Variants in MAP4K1 observed in about 807,000 individuals in gnomAD.
MAP4K1 encodes the protein MAPK/ERK kinase kinase kinase 1.
In MAP4K1, 35 loss-of-function variants were observed where a neutral mutation model predicts 122.8. That is an observed-to-expected ratio of 0.29 (90% CI 0.22 to 0.38). The LOEUF is 0.38. Among genes scored for constraint, MAP4K1 ranks in the 10% least tolerant of loss-of-function variants. The pLI is 1.00. For synonymous variants in MAP4K1, 412 were observed against 421.3 expected (o/e 0.98, Z 0.27); for missense variants, 791 against 1,072.6 (o/e 0.74, Z 3.67).
intron 6 of MAP4K1, 45 bp from the exon 7 acceptor site, chr19:38,614,130 G>A (rs764748934): frequency 1.2e-6 from 2 of 1,612,088 alleles, no homozygotes; most frequent in South Asian, 2.2e-5. Flanking sequence ...ACTCTCCCCA[G>A]CCCAGTGCTA....
intron 19 of MAP4K1, among the ~76,000 whole-genome samples, chr19:38,602,797 CATACAT>C (rs1340509866): frequency 1.8e-4 from 23 of 130,628 alleles, no homozygotes; most frequent in South Asian, 1.2e-3. Context: ...TATATACACA[CATACAT>C]ATATACATAT....
intron 20 of MAP4K1, among the ~76,000 whole-genome samples, chr19:38,600,727 G>C (rs1489588190): frequency 1.4e-5 from 2 of 147,958 alleles, no homozygotes; most frequent in African/African-American, 5.0e-5. Flanking sequence ...TAACCTTTTT[G>C]TTATATTCTG....
intron 3 of MAP4K1, among the ~76,000 whole-genome samples, chr19:38,616,702 G>T (rs1472057753): frequency 6.6e-6 from 1 of 152,212 alleles, no homozygotes; most frequent in East Asian, 1.9e-4. Context: ...GAAACTGGGT[G>T]AGCCAAAGAG....
chr19:38,608,079 G>A (rs771344205), intron 14 of MAP4K1, 33 bp downstream of exon 14: 32 of 1,561,884 alleles, frequency 2.0e-5, no homozygotes, highest in Admixed American at 1.9e-4. Flanking sequence ...GGAAGCAGGC[G>A]GTGTGGTGGG....
In MAP4K1 at chr19:38,590,382, AAAAAAAAAAAAAATATATATATATATAT is replaced by A. The variant is rs1349629050; in HGVS notation, c.2397-2593_2397-2566del. On this transcript the variant is annotated intron_variant, in intron 30 of 30. Coordinates refer to ENST00000396857, the MANE Select transcript of MAP4K1 (RefSeq NM_001042600.3). ...CTATGATCTTGGACCAGAAAAAAAA[AAAAAAAAAAAAAATATATATATATATAT>A]ATATATATATATATATATATATATA... Among the ~76,000 whole-genome samples the A allele has an allele frequency of 5.1e-4, 28 of 54,494 alleles. 3 individuals are homozygous for A. Among genetic ancestry groups the A allele is most frequent in the African/African-American group, 2.7e-3 (27 of 10,166 alleles). 35.8% of individuals were successfully genotyped at this position (54,494 alleles called of 152,430 possible).
intron 30 of MAP4K1, among the ~76,000 whole-genome samples, chr19:38,590,394 AATATATATATATATATATATAT>A (rs1163055879): frequency 2.3e-4 from 4 of 17,298 alleles, no homozygotes; most frequent in Non-Finnish European, 4.1e-4. Context: ...AAAAAAAAAA[AATATATATATATATATATATAT>A]ATATATATAT....
chr19:38,593,174 G>T, intron 30 of MAP4K1, 108 bp downstream of exon 30: 2 of 1,034,270 alleles, frequency 1.9e-6, no homozygotes, highest in Non-Finnish European at 2.8e-6. Flanking sequence ...GGGTGACCAG[G>T]TGAGACACTG....
chr19:38,616,995 C>T (rs974185994), intron 3 of MAP4K1, among the ~76,000 whole-genome samples: 1 of 152,002 alleles, frequency 6.6e-6, no homozygotes, highest in Non-Finnish European at 1.5e-5. Flanking sequence ...CACCTGTAAT[C>T]CCAGCACTTT....
chr19:38,607,613 G>C (rs1182276702), intron 16 of MAP4K1, among the ~76,000 whole-genome samples: 1 of 151,228 alleles, frequency 6.6e-6, no homozygotes, highest in Non-Finnish European at 1.5e-5. Flanking sequence ...GAAAGTGGGA[G>C]CTGGAGCTGG....
At chr19:38,602,795 CACATACAT>C (rs1242614405) in intron 19 of MAP4K1, among the ~76,000 whole-genome samples, 1 of 138,892 alleles carries the variant, frequency 7.2e-6, no homozygotes, top group Admixed American at 7.4e-5. Flanking sequence ...CATATATACA[CACATACAT>C]ATATACATAT....
At chr19:38,612,873 G>A in intron 8 of MAP4K1, 131 bp from the exon 9 acceptor site, 2 of 951,698 alleles carry the variant, frequency 2.1e-6, no homozygotes, top group Non-Finnish European at 3.2e-6. Context: ...AGGGACAGGA[G>A]TAAAGACAGA....
chr19:38,605,835 C>T, intron 17 of MAP4K1, 105 bp from the exon 18 acceptor site: 1 of 1,117,964 alleles, frequency 8.9e-7, no homozygotes, highest in South Asian at 1.4e-5. Context: ...ACAGCTGTGG[C>T]TCTGACCCAC....
rs1216625971 is a variant in MAP4K1 at position 38,603,150 on chromosome 19, ATATACATG to A, written c.1447-1633_1447-1626del. Among the ~76,000 whole-genome samples, 38 of 148,376 alleles carry A rather than the reference ATATACATG, an allele frequency of 2.6e-4. 2 individuals carry two copies. Among genetic ancestry groups the A allele is most frequent in the African/African-American group, 9.0e-4 (36 of 39,962 alleles). ...TATACGCATATACATATATACACACATATACATGTATACATATATACACATGTACATAT... is the reference window on the plus strand; with the variant it reads ...TATACGCATATACATATATACACACATATACATATATACACATGTACATAT... On this transcript the variant is annotated intron_variant, in intron 19 of 30. Transcript: ENST00000396857.
chr19:38,607,590 GGAAGGAAA>G (rs1344947892), intron 16 of MAP4K1, among the ~76,000 whole-genome samples: 1 of 151,388 alleles, frequency 6.6e-6, no homozygotes, highest in Non-Finnish European at 1.5e-5. Flanking sequence ...AGAAGAAGGT[GGAAGGAAA>G]GAAGGAAAGT....
chr19:38,599,255 C>T (rs533533575), intron 22 of MAP4K1, among the ~76,000 whole-genome samples: 19 of 139,976 alleles, frequency 1.4e-4, no homozygotes, highest in East Asian at 2.2e-4. Context: ...GGCTGAGGCA[C>T]GAGAATTGCT....
At chr19:38,613,734 G>A in intron 8 of MAP4K1, 146 bp downstream of exon 8, 2 of 645,852 alleles carry the variant, frequency 3.1e-6, no homozygotes, top group South Asian at 4.0e-5. Flanking sequence ...GAAAACTCAA[G>A]CGACACCCAG....
intron 30 of MAP4K1, chr19:38,592,424 AAAT>A (rs1323452360): frequency 6.6e-6 from 1 of 151,504 alleles, no homozygotes; most frequent in Non-Finnish European, 1.5e-5. Flanking sequence ...AAAATACAAA[AAAT>A]AGCCAAATGT....
intron 30 of MAP4K1, chr19:38,592,330 T>G (rs944374456): frequency 1.3e-5 from 2 of 151,866 alleles, no homozygotes; most frequent in African/African-American, 4.8e-5. Flanking sequence ...ATCCCAGAAC[T>G]TTGGGAGGCC....
intron 16 of MAP4K1, 51 bp from the exon 17 acceptor site, chr19:38,606,266 CG>C (rs746237445): frequency 2.2e-6 from 2 of 902,558 alleles, no homozygotes; most frequent in Non-Finnish European, 3.4e-6. Context: ...AACAAGGACT[CG>C]GGGAAGATGG....
Sources: gnomAD v4.1 joint callset for allele counts (sites outside exome capture counted in the v4.1 genomes callset) on GRCh38, gnomAD v4.1.1 for gene constraint, MANE v1.5 for transcripts, NCBI Gene and HGNC (gene_info 2026-07-23, HGNC 2026-07-21) for gene names.